Variants in HMGCL observed in about 807,000 individuals in gnomAD.
HMGCL encodes hydroxymethylglutaryl-CoA lyase, mitochondrial.
HMGCL carries 26 observed loss-of-function variants against 37.3 expected under a neutral mutation model. That is an observed-to-expected ratio of 0.70 (90% CI 0.51 to 0.97). The LOEUF (loss-of-function observed/expected upper bound fraction) is 0.97, where lower values mean the gene tolerates loss of function less well. Among genes scored for constraint, HMGCL ranks in the 50% least tolerant of loss-of-function variants. HMGCL has a pLI of 0.00. For missense variants in HMGCL, 379 were observed against 398.1 expected (o/e 0.95, Z 0.41); for synonymous variants, 151 against 148.0 (o/e 1.02, Z -0.15).
At chr1:23,803,577 C>CGGGTG (rs1638334246) in intron 8 of HMGCL, 1 of 152,310 alleles carries the variant, frequency 6.6e-6, no homozygotes, top group South Asian at 2.1e-4. Context: ...CTCAGGTGAT[C>CGGGTG]CACCCGCCTT....
intron 1 of HMGCL, among the ~76,000 whole-genome samples, chr1:23,823,598 C>T (rs1638762326): frequency 6.6e-6 from 1 of 152,088 alleles, no homozygotes; most frequent in East Asian, 1.9e-4. Context: ...AGTGATCCAC[C>T]CACCTCAGCC....
intron 8 of HMGCL, chr1:23,804,016 C>A: frequency 4.3e-6 from 1 of 234,814 alleles, no homozygotes; most frequent in South Asian, 5.4e-5. Context: ...ACACTCCAGC[C>A]TTCTTATGCC....
At chr1:23,813,009 C>A (rs554915500) in intron 5 of HMGCL, among the ~76,000 whole-genome samples, 6 of 152,152 alleles carry the variant, frequency 3.9e-5, no homozygotes, top group African/African-American at 1.4e-4. Context: ...CCCGCCTCAG[C>A]CTCCTGAGTA....
At chr1:23,822,648 C>T (rs1195201368) in intron 1 of HMGCL, among the ~76,000 whole-genome samples, 5 of 152,106 alleles carry the variant, frequency 3.3e-5, no homozygotes, top group African/African-American at 2.4e-5. Context: ...GAGACTAAGG[C>T]GATGAGCCAT....
chr1:23,802,650 T>A (rs1638306179), intron 8 of HMGCL, 86 bp from the exon 9 acceptor site: 4 of 880,458 alleles, frequency 4.5e-6, no homozygotes, highest in Admixed American at 3.5e-5. Flanking sequence ...ACAACTGTGA[T>A]ACTGAAAAGT....
Position 23,816,555 on chromosome 1 carries a change from C to A in HMGCL, c.348+120G>T, listed in dbSNP as rs1638616682. 5.5e-5 allele frequency: 43 copies of A among 782,428 alleles called. 1 individual carries two copies. In the South Asian group the frequency reaches 5.8e-4, roughly 11 times the overall value. The allele number at this position is 782,428 out of a possible 1,614,324, so 48.5% of individuals were successfully genotyped here. A position where few individuals can be genotyped will look rare whatever the true frequency, so the allele number is the denominator to read the frequency against. On this transcript the variant is annotated intron_variant, in intron 4 of 8. Transcript: ENST00000374490. ...GGGCCAGGTTTGCCCCAGGGTCTGG[C>A]TGACAGACAAGCTATTCAGATGGAC...
intron 2 of HMGCL, among the ~76,000 whole-genome samples, chr1:23,819,399 T>C (rs1638671639): frequency 6.6e-6 from 1 of 152,146 alleles, no homozygotes; most frequent in Non-Finnish European, 1.5e-5. Flanking sequence ...CTCCCATACA[T>C]ATATAAACTT....
At position 23,817,441 on chromosome 1, in the gene HMGCL, T is replaced by C. The variant is rs376733438; in HGVS notation, c.252+35A>G. On this transcript the variant is annotated intron_variant, in intron 3 of 8. Coordinates refer to ENST00000374490, the MANE Select transcript of HMGCL (RefSeq NM_000191.3). ...AGGCAAATGCAAAACTTTTCATCCCTAGAGAAAGGCCTTTCATTGAGGGCT... is the reference window on the plus strand; with the variant it reads ...AGGCAAATGCAAAACTTTTCATCCCCAGAGAAAGGCCTTTCATTGAGGGCT... 12 of 1,250,032 alleles carry C rather than the reference T, an allele frequency of 9.6e-6. No individual in the cohort carries two copies. In the African/African-American group the frequency reaches 1.5e-4, roughly 15 times the overall value. The allele number at this position is 1,250,032 out of a possible 1,614,324, so 77.4% of individuals were successfully genotyped here. A position where few individuals can be genotyped will look rare whatever the true frequency, so the allele number is the denominator to read the frequency against.
At chr1:23,807,361 A>G (rs889984622) in intron 7 of HMGCL, 1 of 430,378 alleles carries the variant, frequency 2.3e-6, no homozygotes, top group South Asian at 1.7e-5. Context: ...GACCCAGAAC[A>G]TAACAGACTC....
intron 2 of HMGCL, among the ~76,000 whole-genome samples, chr1:23,818,920 G>T (rs1346473541): frequency 7.3e-6 from 1 of 136,950 alleles, no homozygotes; most frequent in Middle Eastern, 4.6e-3. Context: ...GTAAGCAGAA[G>T]CAGAACAGAC....
chr1:23,825,340 G>A lies in HMGCL; in HGVS notation c.60+16C>T, dbSNP rs1421830122. 2 of 1,551,344 alleles carry A rather than the reference G, an allele frequency of 1.3e-6. No homozygotes were observed. Among genetic ancestry groups the A allele is most frequent in the Non-Finnish European group, 1.7e-6 (2 of 1,147,094 alleles). ...GTGCCTGCAGGGCCGCCGCCTCGGC[G>A]GCTCGGGGCACTTACAGCCCGGAGG... On this transcript the variant is annotated intron_variant, in intron 1 of 8. Coordinates refer to ENST00000374490, the MANE Select transcript of HMGCL (RefSeq NM_000191.3).
chr1:23,807,619 A>C (rs1285455806), intron 7 of HMGCL, among the ~76,000 whole-genome samples: 2 of 152,172 alleles, frequency 1.3e-5, no homozygotes, highest in African/African-American at 4.8e-5. Context: ...GAACGGCATT[A>C]AAGCCTCTCC....
At chr1:23,816,654 A>G (rs1638618603) in intron 4 of HMGCL, 21 bp downstream of exon 4, 1 of 1,450,780 alleles carries the variant, frequency 6.9e-7, no homozygotes. Context: ...AGGAGCCCCC[A>G]CCAACAAGCT....
chr1:23,820,878 T>C (rs1638706893), intron 1 of HMGCL, among the ~76,000 whole-genome samples: 1 of 152,182 alleles, frequency 6.6e-6, no homozygotes, highest in Non-Finnish European at 1.5e-5. Context: ...TCTCTTCATA[T>C]AGCAGTCCCG....
At chr1:23,816,501 T>A (rs1638615746) in intron 4 of HMGCL, 174 bp downstream of exon 4, 6 of 720,720 alleles carry the variant, frequency 8.3e-6, no homozygotes. Context: ...GCTTGTCAAC[T>A]TGTCAAGATC....
In HMGCL at chr1:23,805,929, C is replaced by T. The variant is rs368996711; in HGVS notation, c.751-1404G>A. ...TTCTCTCTACAGTGTATTCTCTACACAGCACCCAGAGGAGCCTCTTTTTTT... is the reference window on the plus strand; with the variant it reads ...TTCTCTCTACAGTGTATTCTCTACATAGCACCCAGAGGAGCCTCTTTTTTT... On this transcript the variant is annotated intron_variant, in intron 7 of 8. Coordinates refer to ENST00000374490, the MANE Select transcript of HMGCL (RefSeq NM_000191.3). Among the ~76,000 whole-genome samples, 4 of 152,200 alleles carry T rather than the reference C, an allele frequency of 2.6e-5. No homozygotes were observed. In the South Asian group the frequency reaches 8.3e-4, roughly 32 times the overall value.
At position 23,808,145 on chromosome 1, in the gene HMGCL, A is replaced by G. The variant is rs1638445785; in HGVS notation, c.740T>C (p.Met247Thr). Reference sequence around the variant, plus strand: ...TATGCTTTTGATTACCTGCAGGGCCATCAAGGTGTTGGCCAGGGCTTGACC... The same window carrying G: ...TATGCTTTTGATTACCTGCAGGGCCGTCAAGGTGTTGGCCAGGGCTTGACC... ...TYGQALANTLMALQMGVSVVD... is the reference protein window; with the variant it reads ...TYGQALANTLTALQMGVSVVD... The change falls in exon 7 of 9, where the codon ATG (methionine) becomes ACG (threonine). Residue 247 changes from methionine (M) to threonine (T), a missense_variant. Met to Thr is a moderately conservative substitution (Grantham distance 81, BLOSUM62 -1). Transcript: ENST00000374490. 1.2e-6 allele frequency: 2 copies of G among 1,614,100 alleles called. No individual in the cohort carries two copies. Among genetic ancestry groups the G allele is most frequent in the Non-Finnish European group, 1.7e-6 (2 of 1,180,004 alleles).
rs930279641 is a variant in HMGCL at position 23,806,108 on chromosome 1, C to A, written c.751-1583G>T. The stretch of plus-strand genomic sequence containing the variant: ...CTGGGATTACAGGCTCACGCCACCA[C>A]GCCCAGCTAATTTTTATATTTTTAG... On this transcript the variant is annotated intron_variant, in intron 7 of 8. Coordinates refer to ENST00000374490, the MANE Select transcript of HMGCL (RefSeq NM_000191.3). The surrounding 1 kb of genome is among the most constrained non-coding windows in gnomAD (Gnocchi z 4.0). Among the ~76,000 whole-genome samples the A allele has an allele frequency of 6.6e-6, 1 of 152,104 alleles. No individual in the cohort carries two copies. Among genetic ancestry groups the A allele is most frequent in the Admixed American group, 6.5e-5 (1 of 15,276 alleles).
chr1:23,813,864 C>T, intron 5 of HMGCL: 2 of 394,168 alleles, frequency 5.1e-6, no homozygotes, highest in East Asian at 1.2e-4. Flanking sequence ...ATTCCTTTAG[C>T]ATGATAGCAG....
Sources: allele counts gnomAD v4.1 joint callset (sites outside exome capture counted in the v4.1 genomes callset), GRCh38; gene constraint gnomAD v4.1.1; non-coding constraint Gnocchi (gnomAD v3.1); transcripts MANE v1.5; gene names NCBI Gene and HGNC (gene_info 2026-07-23, HGNC 2026-07-21).